Variants in EMC10 observed in about 807,000 individuals in gnomAD.
EMC10 encodes ER membrane protein complex subunit 10.
EMC10 carries 40 observed loss-of-function variants against 32.2 expected under a neutral mutation model. The observed-to-expected ratio is 1.24, with a 90% CI of 0.96 to 1.61. EMC10 has a LOEUF of 1.61. Ranked by LOEUF, EMC10 falls within the 40% of genes most tolerant of loss-of-function variation. EMC10 has a pLI of 0.00. For missense variants in EMC10, 402 were observed against 357.7 expected, an observed-to-expected ratio of 1.12 and a Z score of -1.00; for synonymous variants, 178 against 158.4, an observed-to-expected ratio of 1.12 and a Z score of -0.93.
chr19:50,478,218 C>CA (rs2122655884), intron 2 of EMC10, among the ~76,000 whole-genome samples: 1 of 152,368 alleles, frequency 6.6e-6, no homozygotes, highest in South Asian at 2.1e-4. Context: ...AAGGTCATCA[C>CA]AGCAGTAATA....
intron 1 of EMC10, 32 bp downstream of exon 1, chr19:50,476,690 C>T (rs1210133328): frequency 2.2e-6 from 3 of 1,374,512 alleles, no homozygotes; most frequent in Non-Finnish European, 2.9e-6. Context: ...ATAGCGGGCG[C>T]GGTCTACGGA....
rs1314047538 is a variant in EMC10 at position 50,482,225 on chromosome 19, G to A, written c.755G>A (p.Gly252Glu). 9.5e-7 allele frequency: 1 copy of A among 1,054,990 alleles called. No individual in the cohort carries two copies. Among genetic ancestry groups the A allele is most frequent in the Non-Finnish European group, 1.4e-6 (1 of 713,230 alleles). The allele number at this position is 1,054,990 out of a possible 1,614,324, so 65.4% of individuals were successfully genotyped here. A position where few individuals can be genotyped will look rare whatever the true frequency, so the allele number is the denominator to read the frequency against. The part of the protein sequence containing the change: ...APDTGGQGGG[G>E]GGGGGGGSGR ...GACACCGGGGGCCAGGGTGGGGGTG[G>A]GGGTGGGGGTGGTGGTGGGGGTAGT... The change falls in exon 7 of 7, where the codon GGG becomes GAG. Residue 252 changes from glycine (G) to glutamate (E), a missense_variant. Gly to Glu is a moderately conservative substitution (Grantham distance 98, BLOSUM62 -2). Coordinates refer to ENST00000334976, the MANE Select transcript of EMC10 (RefSeq NM_206538.4).
rs561199584 is a variant in EMC10, at chr19:50,482,064, C to T, written c.679-85C>T. On this transcript the variant is annotated intron_variant, in intron 6 of 6. Transcript: ENST00000334976. ...GACCTCCCCTCATGCCGGTCCCCACCGTGGGTGGGTGATGCCCACACTCAC... is the reference window on the plus strand; with the variant it reads ...GACCTCCCCTCATGCCGGTCCCCACTGTGGGTGGGTGATGCCCACACTCAC... 124 of 1,436,122 alleles carry T rather than the reference C, an allele frequency of 8.6e-5. 1 individual carries two copies. The East Asian group carries it at 2.2e-3, about 26-fold the overall frequency. The allele number at this position is 1,436,122 out of a possible 1,614,324, so 89.0% of individuals were successfully genotyped here. A position where few individuals can be genotyped will look rare whatever the true frequency, so the allele number is the denominator to read the frequency against.
intron 3 of EMC10, 70 bp downstream of exon 3, chr19:50,479,136 C>G: frequency 2.4e-6 from 3 of 1,246,168 alleles, no homozygotes; most frequent in South Asian, 2.6e-5. Flanking sequence ...TCAGCCACCC[C>G]CTGCTGGTCC....
chr19:50,482,502 C>T lies in EMC10; in HGVS notation c.*243C>T, dbSNP rs574967678. 1 of 572,220 alleles carries T rather than the reference C, an allele frequency of 1.7e-6. No homozygotes were observed. Among genetic ancestry groups the T allele is most frequent in the African/African-American group, 1.9e-5 (1 of 52,408 alleles). The allele number at this position is 572,220 out of a possible 1,614,324, so 35.4% of individuals were successfully genotyped here. A position where few individuals can be genotyped will look rare whatever the true frequency, so the allele number is the denominator to read the frequency against. ...CGCCTCCCCCATGGCCCCATGCAGC[C>T]CCAGGGGCTTCCCCCCTGCCCATGG... On this transcript the variant is annotated 3_prime_UTR_variant, in exon 7 of 7. Transcript: ENST00000334976.
At position 50,476,583 on chromosome 19, in the gene EMC10, G is replaced by A; in HGVS notation, c.39G>A (p.Leu13=). 6.3e-7 allele frequency: 1 copy of A among 1,575,790 alleles called. No homozygotes were observed. Among genetic ancestry groups the A allele is most frequent in the East Asian group, 2.3e-5 (1 of 43,002 alleles). ...GCGCTGGGGCAACCCGGCTGCTCCT[G>A]CTCTTGCTGATGGCGGTAGCAGCGC... The part of the protein sequence containing the change: ...AASAGATRLL[L]LLLMAVAAPS... Residue 13 remains leucine, a synonymous_variant, in exon 1 of 7, where the codon CTG becomes CTA. Transcript: ENST00000334976.
In EMC10 at chr19:50,480,948, C is replaced by G. The variant is rs374258787; in HGVS notation, c.649C>G (p.Gln217Glu). 3 of 1,612,748 alleles carry G rather than the reference C, an allele frequency of 1.9e-6. No homozygotes were observed. The highest frequency in any genetic ancestry group is 1.7e-5 in the Admixed American group (1 of 59,890). Residue 217 changes from glutamine to glutamate, a missense_variant, in exon 6 of 7, where the codon CAG (glutamine) becomes GAG (glutamate). Gln to Glu is a conservative substitution (Grantham distance 29). Coordinates refer to ENST00000334976, the MANE Select transcript of EMC10 (RefSeq NM_206538.4). The surrounding 1 kb of genome is among the most constrained non-coding windows in gnomAD (Gnocchi z 4.4). ...MEQAQKAKNPQEQKSFFAKYW... is the reference protein window; with the variant it reads ...MEQAQKAKNPEEQKSFFAKYW... ...ACAGGCCCAGAAGGCCAAGAACCCC[C>G]AGGAGCAGAAGTCCTTCTTCGCCAA...
chr19:50,477,728 T>G (rs2040250844), intron 1 of EMC10, among the ~76,000 whole-genome samples: 1 of 152,108 alleles, frequency 6.6e-6, no homozygotes, highest in South Asian at 2.1e-4. Context: ...TAGGGTCTGG[T>G]TTTCTGGGGG....
rs1787468802 is a variant in EMC10, at chr19:50,483,022, AC to A, written c.*769del. ...CACTGTAAATAGAACCCCCTCCACCACCCCCCGCCGCCCAGCATCCTACCTG... is the reference window on the plus strand; with the variant it reads ...CACTGTAAATAGAACCCCCTCCACCACCCCCGCCGCCCAGCATCCTACCTG... On this transcript the variant is annotated 3_prime_UTR_variant, in exon 7 of 7. Transcript: ENST00000334976. The A allele has an allele frequency of 5.7e-5, 31 of 542,744 alleles. No individual in the cohort carries two copies. The highest frequency in any genetic ancestry group is 7.0e-5 in the Non-Finnish European group (20 of 286,590). The allele number at this position is 542,744 out of a possible 1,614,324, so 33.6% of individuals were successfully genotyped here.
intron 6 of EMC10, 148 bp downstream of exon 6, chr19:50,481,125 G>A (rs1022630078): frequency 3.1e-6 from 2 of 636,918 alleles, no homozygotes; most frequent in Non-Finnish European, 5.5e-6. Context: ...TACCTGGGCT[G>A]AGGCTTGTTT....
In EMC10 at chr19:50,488,349, G is replaced by C. The variant is rs1404882761; in HGVS notation, c.*6090G>C. On this transcript the variant is annotated 3_prime_UTR_variant, in exon 7 of 7. Transcript: ENST00000334976. ...GATGGCCAGAGCAGGAGGGGAGAGAGGAAGAGGGAGAAAGAAGGAAACAGT... is the reference window on the plus strand; with the variant it reads ...GATGGCCAGAGCAGGAGGGGAGAGACGAAGAGGGAGAAAGAAGGAAACAGT... 1.4e-5 allele frequency: 2 copies of C among 141,084 alleles called. No homozygotes were observed. The highest frequency in any genetic ancestry group is 3.1e-5 in the Non-Finnish European group (2 of 64,742). The allele number at this position is 141,084 out of a possible 1,614,324, so 8.7% of individuals were successfully genotyped here. A position where few individuals can be genotyped will look rare whatever the true frequency, so the allele number is the denominator to read the frequency against.
intron 2 of EMC10, 133 bp downstream of exon 2, chr19:50,478,134 G>T: frequency 1.4e-6 from 1 of 712,018 alleles, no homozygotes; most frequent in Non-Finnish European, 2.3e-6. Context: ...TCAGGTTAGG[G>T]GAAAGTGGGA....
chr19:50,481,001 C>T (rs778681699), intron 6 of EMC10, 24 bp downstream of exon 6: 9 of 1,572,228 alleles, frequency 5.7e-6, no homozygotes, highest in Non-Finnish European at 7.0e-6. Flanking sequence ...CCCCGCCTCC[C>T]CTATTCCCTT....
intron 3 of EMC10, 37 bp downstream of exon 3, chr19:50,479,103 A>T (rs1190510151): frequency 6.6e-7 from 1 of 1,508,650 alleles, no homozygotes; most frequent in Non-Finnish European, 9.1e-7. Flanking sequence ...GTGGATGGGG[A>T]TGGAGGGTTT....
At chr19:50,478,028 A>G (rs1181982075) in intron 2 of EMC10, 27 bp downstream of exon 2, 1 of 1,574,492 alleles carries the variant, frequency 6.4e-7, no homozygotes. Context: ...CCTCTCCTAG[A>G]CACTTAACAT....
intron 1 of EMC10, chr19:50,476,993 C>T (rs1403278358): frequency 1.3e-5 from 3 of 237,334 alleles, no homozygotes; most frequent in African/African-American, 2.3e-5. Context: ...CGCGGTGGCT[C>T]ATCTGTCATC....
chr19:50,483,926 C>G lies in EMC10; in HGVS notation c.*1667C>G, dbSNP rs957755108. ...TGCTAACTTCTGTTTCTTTCTCCAC[C>G]TGCAGGAGATAGCTTATGCTTTTTC... is the stretch of plus-strand genomic sequence containing the variant. On this transcript the variant is annotated 3_prime_UTR_variant, in exon 7 of 7. Transcript: ENST00000334976. 1 of 151,516 alleles carries G rather than the reference C, an allele frequency of 6.6e-6. No individual in the cohort carries two copies. The highest frequency in any genetic ancestry group is 1.5e-5 in the Non-Finnish European group (1 of 67,972). 9.4% of individuals were successfully genotyped at this position (151,516 alleles called of 1,614,324 possible). A position where few individuals can be genotyped will look rare whatever the true frequency, so the allele number is the denominator to read the frequency against.
Position 50,480,361 on chromosome 19 carries a change from C to T in EMC10, c.402+146C>T. 1.0e-6 allele frequency: 1 copy of T among 1,002,966 alleles called. No homozygotes were observed. Among genetic ancestry groups the T allele is most frequent in the Middle Eastern group, 2.1e-4 (1 of 4,724 alleles). 62.1% of individuals were successfully genotyped at this position (1,002,966 alleles called of 1,614,324 possible). On this transcript the variant is annotated intron_variant, in intron 4 of 6. Transcript: ENST00000334976. This position sits in a 1 kb window ranked among gnomAD's most constrained non-coding sequence, Gnocchi z 4.4. ...ACCTGGCCTTGCCTTCCGAGGCCTC[C>T]TGGTCTGGAGGGGTCGGTCCAGGTA...
rs1469768897 is a variant in EMC10, at chr19:50,488,314, A to AG, written c.*6055_*6056insG. On this transcript the variant is annotated 3_prime_UTR_variant, in exon 7 of 7. Transcript: ENST00000334976. ...CCGTCTCAAAAAAAAAAAAAAAAAA[A>AG]AAAAGAAAAGATGGCCAGAGCAGGA... The AG allele has an allele frequency of 2.1e-3, 294 of 141,736 alleles. 2 individuals are homozygous for AG. Among genetic ancestry groups the AG allele is most frequent in the African/African-American group, 8.1e-3 (269 of 33,218 alleles). The allele number at this position is 141,736 out of a possible 1,614,324, so 8.8% of individuals were successfully genotyped here. A position where few individuals can be genotyped will look rare whatever the true frequency, so the allele number is the denominator to read the frequency against.
Sources: gnomAD v4.1 joint callset for allele counts (sites outside exome capture counted in the v4.1 genomes callset) on GRCh38, gnomAD v4.1.1 for gene constraint, Gnocchi (gnomAD v3.1) non-coding constraint, MANE v1.5 for transcripts, NCBI Gene and HGNC (gene_info 2026-07-23, HGNC 2026-07-21) for gene names.